CALN1: variants seen among roughly 807,000 people sequenced by gnomAD.
CALN1 encodes the protein calcium-binding protein 8.
CALN1 carries 17 observed loss-of-function variants against 30.6 expected under a neutral mutation model. The observed-to-expected ratio is 0.56, with a 90% confidence interval of 0.38 to 0.83. The LOEUF (loss-of-function observed/expected upper bound fraction) is 0.83, where lower values mean the gene tolerates loss of function less well. CALN1 is among the 40% of genes least tolerant of loss of function. The pLI is 0.00. For missense variants in CALN1, 291 were observed against 354.9 expected (o/e 0.82, Z 1.45); for synonymous variants, 156 against 131.4 (o/e 1.19, Z -1.28).
At chr7:72,302,923 A>AAAG (rs1378902899) in intron 2 of CALN1, among the ~76,000 whole-genome samples, 2 of 148,728 alleles carry the variant, frequency 1.3e-5, no homozygotes, top group African/African-American at 2.5e-5. Flanking sequence ...AAAAACGAAA[A>AAAG]GAATCCGGGC....
Position 72,403,427 on chromosome 7 carries a change from C to T in CALN1, c.-58G>A, listed in dbSNP as rs1585672938. Reference sequence around the variant, plus strand: ...TAGAAGCTCATCAAAGGAACGTCAGCGAAGGCACTGAGACTCTGAAAGGAG... The same window carrying T: ...TAGAAGCTCATCAAAGGAACGTCAGTGAAGGCACTGAGACTCTGAAAGGAG... On this transcript the variant is annotated 5_prime_UTR_variant, in exon 2 of 7. Coordinates refer to ENST00000395275, the MANE Select transcript of CALN1 (RefSeq NM_031468.4). The T allele has an allele frequency of 7.3e-7, 1 of 1,372,444 alleles. No homozygotes were observed. The highest frequency in any genetic ancestry group is 1.3e-5 in the South Asian group (1 of 77,886). 85.0% of individuals were successfully genotyped at this position (1,372,444 alleles called of 1,614,324 possible). A position where few individuals can be genotyped will look rare whatever the true frequency, so the allele number is the denominator to read the frequency against.
At chr7:72,476,961 A>AG in the CALN1 span, among the ~76,000 whole-genome samples, 63 of 152,358 alleles carry the variant, frequency 4.1e-4, no homozygotes, top group Admixed American at 7.2e-4. Flanking sequence ...ATGTAATCCC[A>AG]GCACTTTGGG....
At chr7:72,413,201 TCACA>T (rs59261666), upstream of CALN1, among the ~76,000 whole-genome samples, 22 of 151,176 alleles carry the variant, frequency 1.5e-4, no homozygotes, top group South Asian at 2.1e-4. Flanking sequence ...GCCCACCCAC[TCACA>T]CACACACACT....
intron 2 of CALN1, among the ~76,000 whole-genome samples, chr7:72,389,037 TC>T (rs1805411071): frequency 6.6e-6 from 1 of 152,168 alleles, no homozygotes; most frequent in South Asian, 2.1e-4. Flanking sequence ...ATCCAGCGCT[TC>T]CTTCAGTTAC....
At chr7:72,249,496 G>T (rs1795407161) in intron 3 of CALN1, among the ~76,000 whole-genome samples, 1 of 144,954 alleles carries the variant, frequency 6.9e-6, no homozygotes, top group South Asian at 2.2e-4. Flanking sequence ...CTATCCACAG[G>T]ATCTTCAACA....
At chr7:72,007,639 C>G (rs143917073) in intron 5 of CALN1, among the ~76,000 whole-genome samples, 3,475 of 152,304 alleles carry the variant, frequency 0.023, 53 homozygotes, top group Non-Finnish European at 0.033. Flanking sequence ...TTCTCCTACC[C>G]CTTACACTAA....
chr7:71,838,095 G>C (rs182305599), intron 5 of CALN1, among the ~76,000 whole-genome samples: 1 of 152,086 alleles, frequency 6.6e-6, no homozygotes, highest in Non-Finnish European at 1.5e-5. Context: ...TAAAATTGCC[G>C]TGTATTTTTC....
At chr7:71,901,311 T>G (rs1793833747) in intron 5 of CALN1, among the ~76,000 whole-genome samples, 1 of 152,036 alleles carries the variant, frequency 6.6e-6, no homozygotes, top group Admixed American at 6.6e-5. Flanking sequence ...CAAAAGAATC[T>G]GTATCATTGG....
At chr7:72,261,995 C>G (rs892545301) in intron 3 of CALN1, among the ~76,000 whole-genome samples, 1 of 152,188 alleles carries the variant, frequency 6.6e-6, no homozygotes, top group African/African-American at 2.4e-5. Context: ...TGGGCTCTTC[C>G]CATTTTCAGA....
chr7:71,833,469 A>G (rs1789411697), intron 5 of CALN1, among the ~76,000 whole-genome samples: 1 of 152,196 alleles, frequency 6.6e-6, no homozygotes, highest in East Asian at 1.9e-4. Context: ...GTTCAACAAA[A>G]TAAGCCATGA....
At chr7:72,022,566 A>G (rs1800763482) in intron 5 of CALN1, among the ~76,000 whole-genome samples, 1 of 151,972 alleles carries the variant, frequency 6.6e-6, no homozygotes, top group East Asian at 1.9e-4. Flanking sequence ...CTAATTTTAA[A>G]AATTGTTTGC....
intron 5 of CALN1, among the ~76,000 whole-genome samples, chr7:71,961,150 A>C (rs974709625): frequency 5.9e-5 from 9 of 152,338 alleles, no homozygotes; most frequent in Middle Eastern, 3.4e-3. Flanking sequence ...CATAATCAGC[A>C]AAGTTACTAT....
chr7:72,080,381 C>T (rs973604488), intron 4 of CALN1, among the ~76,000 whole-genome samples: 3 of 152,192 alleles, frequency 2.0e-5, no homozygotes, highest in Non-Finnish European at 4.4e-5. Context: ...ACCCGTGTCA[C>T]AGGGATTGAT....
intron 5 of CALN1, among the ~76,000 whole-genome samples, chr7:72,011,231 A>G (rs964214846): frequency 6.6e-6 from 1 of 152,146 alleles, no homozygotes; most frequent in Non-Finnish European, 1.5e-5. Context: ...AAAACAAAAA[A>G]AAACAAAAAC....
chr7:71,882,850 TTGTGTGTG>T (rs34870061), intron 5 of CALN1, among the ~76,000 whole-genome samples: 153 of 131,018 alleles, frequency 1.2e-3, no homozygotes, highest in South Asian at 9.3e-3. Context: ...CCCATCTAAT[TTGTGTGTG>T]TGTGTGTGTG....
chr7:72,081,432 T>C (rs1805136395), intron 4 of CALN1, among the ~76,000 whole-genome samples: 1 of 140,808 alleles, frequency 7.1e-6, no homozygotes, highest in African/African-American at 2.6e-5. Context: ...TGTTTGTTTT[T>C]GGTGTGTGTG....
chr7:71,889,888 C>T (rs1793136918), intron 5 of CALN1, among the ~76,000 whole-genome samples: 1 of 151,660 alleles, frequency 6.6e-6, no homozygotes, highest in Admixed American at 6.6e-5. Context: ...TCATTTGAAC[C>T]TGGGAGGCAG....
At chr7:71,966,866 G>A (rs1406970439) in intron 5 of CALN1, among the ~76,000 whole-genome samples, 1 of 152,168 alleles carries the variant, frequency 6.6e-6, no homozygotes, top group Non-Finnish European at 1.5e-5. Flanking sequence ...ATGCAACTTT[G>A]TAAGTTGTAA....
At chr7:72,209,990 G>A (rs1440134285) in intron 3 of CALN1, among the ~76,000 whole-genome samples, 2 of 152,090 alleles carry the variant, frequency 1.3e-5, no homozygotes, top group Non-Finnish European at 2.9e-5. Flanking sequence ...AGTCATAAGA[G>A]GGTGTTCCAG....
Sources: allele counts gnomAD v4.1 joint callset (sites outside exome capture counted in the v4.1 genomes callset), GRCh38; gene constraint gnomAD v4.1.1; transcripts MANE v1.5; gene names NCBI Gene and HGNC (gene_info 2026-07-23, HGNC 2026-07-21).